Variants in NRG2 observed in about 807,000 individuals in gnomAD.
The protein encoded by NRG2 is pro-neuregulin-2, membrane-bound isoform.
Under a neutral mutation model 73.9 loss-of-function variants are expected in NRG2, and 27 were observed. That is an observed-to-expected ratio of 0.37 (90% CI 0.27 to 0.50). NRG2 has a LOEUF of 0.50. Among genes scored for constraint, NRG2 ranks in the 20% least tolerant of loss-of-function variants. The pLI, the probability that NRG2 is intolerant of heterozygous loss-of-function variation, is 0.96. For missense variants in NRG2, 1,126 were observed against 1,210.1 expected (o/e 0.93, Z 1.03); for synonymous variants, 532 against 541.0 (o/e 0.98, Z 0.23).
rs1240619486 is a variant in NRG2, at chr5:139,865,854, C to G, written c.1113-229G>C. On this transcript the variant is annotated intron_variant, in intron 4 of 9. Transcript: ENST00000361474. This position sits in a 1 kb window ranked among gnomAD's most constrained non-coding sequence, Gnocchi z 5.2. ...GGGTGGTGGGGAAGGTGGGGTGGGTCAGGGGGAGGATGATTTAGGTAAGTG... is the reference window on the plus strand; with the variant it reads ...GGGTGGTGGGGAAGGTGGGGTGGGTGAGGGGGAGGATGATTTAGGTAAGTG... 6.7e-6 allele frequency among the ~76,000 whole-genome samples: 1 copy of G among 148,338 alleles called. No individual in the cohort carries two copies. The highest frequency in any genetic ancestry group is 2.5e-5 in the African/African-American group (1 of 39,916).
intron 1 of NRG2, among the ~76,000 whole-genome samples, chr5:140,010,641 C>G (rs891726414): frequency 6.6e-6 from 1 of 151,986 alleles, no homozygotes; most frequent in African/African-American, 2.4e-5. Context: ...AGAAAATATG[C>G]TTTGAACTAA....
At chr5:140,002,931 G>A (rs1758604598) in intron 1 of NRG2, among the ~76,000 whole-genome samples, 1 of 152,214 alleles carries the variant, frequency 6.6e-6, no homozygotes, top group Non-Finnish European at 1.5e-5. Flanking sequence ...AAAAGGATTA[G>A]ATGTGGAGTG....
Position 140,042,844 on chromosome 5 carries a change from G to C in NRG2, c.226C>G (p.Pro76Ala). The C allele has an allele frequency of 6.7e-7, 1 of 1,491,936 alleles. No individual in the cohort carries two copies. Among genetic ancestry groups the C allele is most frequent in the Non-Finnish European group, 8.9e-7 (1 of 1,124,506 alleles). 92.4% of individuals were successfully genotyped at this position (1,491,936 alleles called of 1,614,324 possible). ...CGGGCGGCGGCTCTCCGGGCTGCGGGGCTGCGGGGCTGCGGCTGTTGCTGC... is the reference window on the plus strand; with the variant it reads ...CGGGCGGCGGCTCTCCGGGCTGCGGCGCTGCGGGGCTGCGGCTGTTGCTGC... Reference protein sequence around the residue: ...RPQQQPQPRSPAARRAAARSR... With the variant: ...RPQQQPQPRSAAARRAAARSR... Residue 76 changes from proline (P) to alanine (A), a missense_variant, in exon 1 of 10, where the codon CCC becomes GCC. By Grantham distance (27) the Pro-to-Ala change is conservative. Around this residue, in one of 3 missense-constraint regions of NRG2, gnomAD observed 185 missense variants for 149.0 expected, o/e 1.24. Transcript: ENST00000361474.
chr5:140,018,361 C>T (rs748928963), intron 1 of NRG2, among the ~76,000 whole-genome samples: 6 of 152,104 alleles, frequency 3.9e-5, no homozygotes, highest in Non-Finnish European at 5.9e-5. Context: ...AGCCTGCAGA[C>T]GAGGGATGGG....
chr5:140,038,131 A>T (rs1442221874), intron 1 of NRG2, among the ~76,000 whole-genome samples: 1 of 152,218 alleles, frequency 6.6e-6, no homozygotes, highest in East Asian at 1.9e-4. Context: ...ATATAATTTT[A>T]TAAAGAAAAA....
At position 139,904,337 on chromosome 5, in the gene NRG2, G is replaced by C; in HGVS notation, c.701-16826C>G. 1 of 1,592,044 alleles carries C rather than the reference G, an allele frequency of 6.3e-7. No individual in the cohort carries two copies. The highest frequency in any genetic ancestry group is 8.5e-7 in the Non-Finnish European group (1 of 1,177,328). On this transcript the variant is annotated intron_variant, in intron 1 of 9. Transcript: ENST00000361474. The surrounding 1 kb of genome is among the most constrained non-coding windows in gnomAD (Gnocchi z 6.0). ...TCCCCGGGATCGGGCTCCCTCTCCC[G>C]CTTCCTCCCCTCTGGGTGCTTCTTG...
chr5:139,885,737 G>T (rs995527745), intron 2 of NRG2, among the ~76,000 whole-genome samples: 1 of 151,998 alleles, frequency 6.6e-6, no homozygotes, highest in Non-Finnish European at 1.5e-5. Flanking sequence ...GGGAATGTGC[G>T]GGAGGGAGGG....
At chr5:139,988,983 C>T (rs573194109) in intron 1 of NRG2, among the ~76,000 whole-genome samples, 5 of 151,960 alleles carry the variant, frequency 3.3e-5, no homozygotes, top group South Asian at 4.2e-4. Flanking sequence ...AAATTGGCCC[C>T]GGTCTCACAC....
chr5:139,907,598 C>T (rs1765314545), intron 1 of NRG2, among the ~76,000 whole-genome samples: 1 of 152,276 alleles, frequency 6.6e-6, no homozygotes, highest in Non-Finnish European at 1.5e-5. Flanking sequence ...GTAGCTCTCC[C>T]AGCAGTCCAG....
intron 1 of NRG2, among the ~76,000 whole-genome samples, chr5:139,948,936 C>T (rs1187500222): frequency 6.6e-6 from 1 of 151,892 alleles, no homozygotes; most frequent in Non-Finnish European, 1.5e-5. Flanking sequence ...CATAGGCAAG[C>T]TCCGCAGCCA....
At position 139,848,088 on chromosome 5, in the gene NRG2, A is replaced by C. The variant is rs1478040124; in HGVS notation, c.2382T>G (p.Pro794=). ...ADGALAAEST[P]FLGLRGAHDA... is the part of the protein sequence containing the mutation. ...CGTGCGCCCCACGCAGGCCCAGGAA[A>C]GGTGTGCTCTCGGCCGCCAGCGCCC... The change falls in exon 10 of 10, where the codon CCT becomes CCG. Residue 794 remains proline (P), a synonymous_variant. Coordinates refer to ENST00000361474, the MANE Select transcript of NRG2 (RefSeq NM_004883.3). 6 of 1,488,612 alleles carry C rather than the reference A, an allele frequency of 4.0e-6. No homozygotes were observed. Among genetic ancestry groups the C allele is most frequent in the Non-Finnish European group, 5.3e-6 (6 of 1,126,802 alleles). 92.2% of individuals were successfully genotyped at this position (1,488,612 alleles called of 1,614,324 possible). A position where few individuals can be genotyped will look rare whatever the true frequency, so the allele number is the denominator to read the frequency against.
intron 1 of NRG2, among the ~76,000 whole-genome samples, chr5:140,011,141 G>A (rs1266353204): frequency 1.3e-5 from 2 of 152,202 alleles, no homozygotes; most frequent in Admixed American, 6.5e-5. Flanking sequence ...TAGCCTACAA[G>A]ACTTTTAACA....
chr5:140,006,853 T>C (rs1267961486), intron 1 of NRG2, among the ~76,000 whole-genome samples: 1 of 152,192 alleles, frequency 6.6e-6, no homozygotes, highest in Non-Finnish European at 1.5e-5. Context: ...ACAAGGAAAA[T>C]TCATAGTCCC....
chr5:139,943,087 C>T (rs771830258), intron 1 of NRG2, among the ~76,000 whole-genome samples: 7 of 152,086 alleles, frequency 4.6e-5, no homozygotes, highest in African/African-American at 9.7e-5. Context: ...ATTATCCATC[C>T]GTCTCAGCCT....
At chr5:140,009,653 C>T (rs574562168) in intron 1 of NRG2, among the ~76,000 whole-genome samples, 189 of 152,318 alleles carry the variant, frequency 1.2e-3, no homozygotes, top group African/African-American at 4.4e-3. Flanking sequence ...TCCTTGCCAG[C>T]TTTTGGTGTT....
chr5:139,855,910 C>T (rs1450666828), intron 5 of NRG2, 132 bp from the exon 6 acceptor site: 2 of 674,332 alleles, frequency 3.0e-6, no homozygotes, highest in African/African-American at 3.5e-5. Context: ...CTTTCCATCC[C>T]TTTTCTCCAG....
rs1765100496 is a variant in NRG2 at position 139,904,457 on chromosome 5, C to A, written c.701-16946G>T. 3 of 1,047,450 alleles carry A rather than the reference C, an allele frequency of 2.9e-6. No individual in the cohort carries two copies. The highest frequency in any genetic ancestry group is 2.8e-5 in the East Asian group (1 of 36,330). 64.9% of individuals were successfully genotyped at this position (1,047,450 alleles called of 1,614,324 possible). ...GCTCTCCGCTGCCGCGCTGCGCCCC[C>A]GCCGCCTGCAGCCTCAGTGCCCGAG... On this transcript the variant is annotated intron_variant, in intron 1 of 9. Coordinates refer to ENST00000361474, the MANE Select transcript of NRG2 (RefSeq NM_004883.3). The surrounding 1 kb of genome is among the most constrained non-coding windows in gnomAD (Gnocchi z 6.0).
At chr5:139,923,238 T>C (rs573512921) in intron 1 of NRG2, among the ~76,000 whole-genome samples, 1 of 152,204 alleles carries the variant, frequency 6.6e-6, no homozygotes, top group Admixed American at 6.5e-5. Context: ...TTCTGCCTAG[T>C]TTTGCTGTGA....
intron 3 of NRG2, among the ~76,000 whole-genome samples, chr5:139,876,552 G>A (rs186194638): frequency 3.3e-5 from 5 of 152,238 alleles, no homozygotes; most frequent in Admixed American, 6.5e-5. Context: ...TTGATGAACC[G>A]TTAGTGTCTT....
Sources: allele counts gnomAD v4.1 joint callset (sites outside exome capture counted in the v4.1 genomes callset), GRCh38; gene constraint gnomAD v4.1.1; regional missense constraint gnomAD v4.1.1; non-coding constraint Gnocchi (gnomAD v3.1); transcripts MANE v1.5; gene names NCBI Gene and HGNC (gene_info 2026-07-23, HGNC 2026-07-21).